Variants in ICAM1 observed in about 807,000 individuals in gnomAD.
ICAM1 encodes intercellular adhesion molecule 1.
ICAM1 carries 28 observed loss-of-function variants against 42.3 expected under a neutral mutation model. The observed-to-expected ratio is 0.66, with a 90% CI of 0.49 to 0.91. The LOEUF (loss-of-function observed/expected upper bound fraction) is 0.91. Ranked by LOEUF, ICAM1 falls within the 40% of genes least tolerant of loss-of-function variation. ICAM1 has a pLI of 0.00. For missense variants in ICAM1, 637 were observed against 688.6 expected (o/e 0.93, Z 0.84); for synonymous variants, 304 against 305.9 (o/e 0.99, Z 0.07).
At position 10,285,416 on chromosome 19, in the gene ICAM1, A is replaced by G. The variant is rs1469981535; in HGVS notation, c.*129A>G. On this transcript the variant is annotated 3_prime_UTR_variant, in exon 7 of 7. Coordinates refer to ENST00000264832, the MANE Select transcript of ICAM1 (RefSeq NM_000201.3). ...GCCCTGGGACGCCGGAGGACAGGGC[A>G]TTGTCCTCAGTCAGATACAACAGCA... The G allele has an allele frequency of 3.7e-6, 3 of 818,682 alleles. No individual in the cohort carries two copies. The highest frequency in any genetic ancestry group is 5.8e-6 in the Non-Finnish European group (3 of 520,016). 50.7% of individuals were successfully genotyped at this position (818,682 alleles called of 1,614,324 possible).
intron 2 of ICAM1, among the ~76,000 whole-genome samples, chr19:10,279,075 T>A (rs562628290): frequency 6.6e-6 from 1 of 152,310 alleles, no homozygotes; most frequent in South Asian, 2.1e-4. Context: ...CCTCCCTGGA[T>A]GGCTCAATCT....
chr19:10,277,732 C>T (rs551378198), intron 2 of ICAM1, among the ~76,000 whole-genome samples: 2 of 152,070 alleles, frequency 1.3e-5, no homozygotes, highest in African/African-American at 4.8e-5. Context: ...GTGATCTGCC[C>T]GCCTCGGCCT....
chr19:10,278,739 G>A (rs1429338003), intron 2 of ICAM1, among the ~76,000 whole-genome samples: 2 of 151,378 alleles, frequency 1.3e-5, no homozygotes, highest in African/African-American at 2.4e-5. Context: ...ACAGGGTTTC[G>A]CCAAGTTGGC....
intron 2 of ICAM1, among the ~76,000 whole-genome samples, chr19:10,280,085 C>T (rs972113809): frequency 5.3e-5 from 8 of 152,076 alleles, no homozygotes; most frequent in South Asian, 4.2e-4. Flanking sequence ...GGGCAGTGAC[C>T]GTATTCAAGA....
rs1427655153 is a variant in ICAM1 at position 10,285,410 on chromosome 19, C to T, written c.*123C>T. On this transcript the variant is annotated 3_prime_UTR_variant, in exon 7 of 7. Transcript: ENST00000264832. ...CTACCGGCCCTGGGACGCCGGAGGACAGGGCATTGTCCTCAGTCAGATACA... is the reference window on the plus strand; with the variant it reads ...CTACCGGCCCTGGGACGCCGGAGGATAGGGCATTGTCCTCAGTCAGATACA... 1 of 886,358 alleles carries T rather than the reference C, an allele frequency of 1.1e-6. No homozygotes were observed. The highest frequency in any genetic ancestry group is 1.7e-6 in the Non-Finnish European group (1 of 578,774). The allele number at this position is 886,358 out of a possible 1,614,324, so 54.9% of individuals were successfully genotyped here.
intron 1 of ICAM1, among the ~76,000 whole-genome samples, chr19:10,272,048 G>A (rs564217117): frequency 6.6e-6 from 1 of 152,160 alleles, no homozygotes; most frequent in African/African-American, 2.4e-5. Context: ...CACTTTAGGA[G>A]CCCCAGGCGG....
chr19:10,279,479 G>A (rs1185086375), intron 2 of ICAM1, among the ~76,000 whole-genome samples: 1 of 151,832 alleles, frequency 6.6e-6, no homozygotes, highest in East Asian at 1.9e-4. Context: ...GAATTTTTTT[G>A]TTTTTGTTTT....
At chr19:10,273,547 C>A (rs896778655) in intron 1 of ICAM1, among the ~76,000 whole-genome samples, 1 of 152,040 alleles carries the variant, frequency 6.6e-6, no homozygotes, top group African/African-American at 2.4e-5. Flanking sequence ...GTCCTGTAGT[C>A]CCAGCTACTT....
chr19:10,284,047 C>A lies in ICAM1; in HGVS notation c.652C>A (p.Pro218Thr). Residue 218 changes from proline to threonine, a missense_variant, in exon 4 of 7, where the codon CCC becomes ACC. Pro to Thr is a conservative substitution (Grantham distance 38). Coordinates refer to ENST00000264832, the MANE Select transcript of ICAM1 (RefSeq NM_000201.3). This position sits in a 1 kb window ranked among gnomAD's most constrained non-coding sequence, Gnocchi z 5.4. ...TCTCTCCCTAGTCCTGCCAGCGACT[C>A]CCCCACAACTTGTCAGCCCCCGGGT... Reference protein sequence around the residue: ...QLQTFVLPATPPQLVSPRVLE... With the variant: ...QLQTFVLPATTPQLVSPRVLE... 1 of 1,613,506 alleles carries A rather than the reference C, an allele frequency of 6.2e-7. No homozygotes were observed. Among genetic ancestry groups the A allele is most frequent in the East Asian group, 2.2e-5 (1 of 44,854 alleles).
intron 2 of ICAM1, chr19:10,282,171 G>A (rs922587485): frequency 5.3e-5 from 8 of 151,642 alleles, no homozygotes; most frequent in African/African-American, 1.9e-4. Flanking sequence ...GGGCTCAAGT[G>A]ATCCTCCTGC....
intron 2 of ICAM1, among the ~76,000 whole-genome samples, chr19:10,280,105 C>G (rs1215767213): frequency 6.6e-6 from 1 of 152,162 alleles, no homozygotes; most frequent in Non-Finnish European, 1.5e-5. Context: ...AAGGGAAGGA[C>G]AGACAAGTAT....
In ICAM1 at chr19:10,284,012, A is replaced by C. The variant is rs746491810; in HGVS notation, c.638-21A>C. 6.2e-7 allele frequency: 1 copy of C among 1,605,158 alleles called. No individual in the cohort carries two copies. The highest frequency in any genetic ancestry group is 8.5e-7 in the Non-Finnish European group (1 of 1,173,924). ...TCGGGACGTCCATCCCTGTCTGCTC[A>C]CACCTTTCTTCTCTCCCTAGTCCTG... On this transcript the variant is annotated intron_variant, in intron 3 of 6. Coordinates refer to ENST00000264832, the MANE Select transcript of ICAM1 (RefSeq NM_000201.3). This position sits in a 1 kb window ranked among gnomAD's most constrained non-coding sequence, Gnocchi z 5.4.
intron 1 of ICAM1, among the ~76,000 whole-genome samples, chr19:10,271,908 A>AGGGGTCAGAGGGTC (rs937010813): frequency 7.9e-5 from 12 of 152,166 alleles, no homozygotes; most frequent in African/African-American, 2.9e-4. Context: ...GGAAGAGGGA[A>AGGGGTCAGAGGGTC]GGGGTCAGAG....
Position 10,286,129 on chromosome 19 carries a change from C to G in ICAM1, c.*842C>G, listed in dbSNP as rs2040104195. ...ACACCTTTGTTAGCCACCTCCCCACCCACATACATTTCTGCCAGTGTTCAC... is the reference window on the plus strand; with the variant it reads ...ACACCTTTGTTAGCCACCTCCCCACGCACATACATTTCTGCCAGTGTTCAC... On this transcript the variant is annotated 3_prime_UTR_variant, in exon 7 of 7. Coordinates refer to ENST00000264832, the MANE Select transcript of ICAM1 (RefSeq NM_000201.3). The G allele has an allele frequency of 2.6e-5, 4 of 152,450 alleles. No individual in the cohort carries two copies. The highest frequency in any genetic ancestry group is 5.9e-5 in the Non-Finnish European group (4 of 68,090). The allele number at this position is 152,450 out of a possible 1,614,324, so 9.4% of individuals were successfully genotyped here.
intron 1 of ICAM1, among the ~76,000 whole-genome samples, chr19:10,272,546 CTTTCT>C (rs1278736001): frequency 0.016 from 2,243 of 136,974 alleles, 136 homozygotes; most frequent in Middle Eastern, 0.05. Context: ...CCCCTTCTTT[CTTTCT>C]TTTCTTTTCT....
chr19:10,276,321 G>A (rs1331640843), intron 2 of ICAM1, among the ~76,000 whole-genome samples: 36 of 151,640 alleles, frequency 2.4e-4, no homozygotes, highest in Middle Eastern at 3.4e-3. Context: ...CGAGGCGGGC[G>A]GATCACAAGG....
At chr19:10,280,560 C>G in intron 2 of ICAM1, among the ~76,000 whole-genome samples, 1 of 145,606 alleles carries the variant, frequency 6.9e-6, no homozygotes, top group East Asian at 2.0e-4. Flanking sequence ...TTTTTTTTTT[C>G]TTTGGTGTTT....
At chr19:10,275,374 G>A (rs895530705) in intron 2 of ICAM1, among the ~76,000 whole-genome samples, 1 of 152,150 alleles carries the variant, frequency 6.6e-6, no homozygotes, top group Non-Finnish European at 1.5e-5. Context: ...TCAAGCGCCT[G>A]TAATCCCAGC....
chr19:10,284,061 C>T lies in ICAM1; in HGVS notation c.666C>T (p.Val222=), dbSNP rs764062779. The T allele has an allele frequency of 1.9e-6, 3 of 1,613,804 alleles. No homozygotes were observed. The highest frequency in any genetic ancestry group is 1.7e-6 in the Non-Finnish European group (2 of 1,179,802). Residue 222 remains valine, a synonymous_variant, in exon 4 of 7, where the codon GTC becomes GTT. Transcript: ENST00000264832. The surrounding 1 kb of genome is among the most constrained non-coding windows in gnomAD (Gnocchi z 5.4). ...TGCCAGCGACTCCCCCACAACTTGT[C>T]AGCCCCCGGGTCCTAGAGGTGGACA... is the stretch of plus-strand genomic sequence containing the variant. ...FVLPATPPQL[V]SPRVLEVDTQ...
Sources: gnomAD v4.1 joint callset for allele counts (sites outside exome capture counted in the v4.1 genomes callset) on GRCh38, gnomAD v4.1.1 for gene constraint, Gnocchi (gnomAD v3.1) non-coding constraint, MANE v1.5 for transcripts, NCBI Gene and HGNC (gene_info 2026-07-23, HGNC 2026-07-21) for gene names.